The following SOX6 variants were observed in gnomAD, a reference collection of about 807,000 sequenced individuals.
SOX6 encodes SRY-box transcription factor 6, also known as transcription factor SOX-6.
A neutral mutation model predicts 97.8 loss-of-function variants in SOX6; 11 were observed. The observed-to-expected ratio is 0.11, with a 90% confidence interval of 0.07 to 0.19. The LOEUF (loss-of-function observed/expected upper bound fraction) is 0.19. Among genes scored for constraint, SOX6 ranks in the 10% least tolerant of loss-of-function variants. The pLI is 1.00. For synonymous variants in SOX6, 360 were observed against 371.4 expected, an observed-to-expected ratio of 0.97 and a Z score of 0.35; for missense variants, 810 against 1,039.5, an observed-to-expected ratio of 0.78 and a Z score of 3.04.
intron 15 of SOX6, among the ~76,000 whole-genome samples, chr11:15,984,931 C>T (rs1853785365): frequency 1.3e-5 from 2 of 152,130 alleles, no homozygotes; most frequent in African/African-American, 2.4e-5. Flanking sequence ...TGGATCTTCT[C>T]AACAATCATA....
intron 1 of SOX6, chr11:16,402,553 G>A: frequency 8.6e-7 from 1 of 1,167,962 alleles, no homozygotes; most frequent in Non-Finnish European, 1.3e-6. Flanking sequence ...ACCACCCAAA[G>A]CACACTGGAA....
In SOX6 at chr11:16,669,655, C is replaced by T. The variant is rs182258698; in HGVS notation, n.429+45175G>A. Among the ~76,000 whole-genome samples, 673 of 152,316 alleles carry T rather than the reference C, an allele frequency of 4.4e-3. 4 individuals carry two copies. The highest frequency in any genetic ancestry group is 0.016 in the African/African-American group (651 of 41,566). ...CATCTTTGCTTTCTTACAGCCCTTG[C>T]CCTTGCTGTCTCCAGGCTTGGGAGA... On this transcript the variant is annotated intron_variant and non_coding_transcript_variant, in intron 3 of 5. Transcript: ENST00000524520.
At chr11:16,188,369 G>A (rs1851539516) in intron 4 of SOX6, among the ~76,000 whole-genome samples, 1 of 152,022 alleles carries the variant, frequency 6.6e-6, no homozygotes, top group African/African-American at 2.4e-5. Flanking sequence ...AACAAATACT[G>A]TATCAAGGCT....
chr11:15,981,251 T>C (rs1020224548), intron 15 of SOX6, among the ~76,000 whole-genome samples: 21 of 152,022 alleles, frequency 1.4e-4, no homozygotes, highest in African/African-American at 3.9e-4. Flanking sequence ...CAAAACAACA[T>C]TTGTGGATGT....
At chr11:16,072,071 G>T (rs887010798) in intron 9 of SOX6, among the ~76,000 whole-genome samples, 1 of 152,122 alleles carries the variant, frequency 6.6e-6, no homozygotes, top group Admixed American at 6.5e-5. Context: ...CCCAGCAATG[G>T]TTCTTAACCA....
At chr11:16,718,529 T>C (rs750684933) in intron 2 of SOX6, among the ~76,000 whole-genome samples, 14 of 152,140 alleles carry the variant, frequency 9.2e-5, no homozygotes, top group Non-Finnish European at 1.5e-4. Flanking sequence ...AGCCAAAACA[T>C]GTTCATTTAT....
At chr11:16,182,187 A>T (rs1357162524) in intron 6 of SOX6, among the ~76,000 whole-genome samples, 1 of 151,908 alleles carries the variant, frequency 6.6e-6, no homozygotes, top group African/African-American at 2.4e-5. Flanking sequence ...GGAAAACATC[A>T]GTGAAGACAA....
At chr11:16,621,577 T>G (rs1848545782) in intron 3 of SOX6, among the ~76,000 whole-genome samples, 2 of 152,192 alleles carry the variant, frequency 1.3e-5, no homozygotes, top group Non-Finnish European at 1.5e-5. Flanking sequence ...AAAGTATAGT[T>G]TTGTATTCAT....
chr11:16,076,719 G>A (rs923058733), intron 9 of SOX6, among the ~76,000 whole-genome samples: 6 of 150,888 alleles, frequency 4.0e-5, no homozygotes, highest in African/African-American at 1.5e-4. Context: ...AGAGAGAGAA[G>A]GGGGAGGTAC....
chr11:16,318,370 C>A (rs1324834037), intron 3 of SOX6, 76 bp downstream of exon 3: 1 of 1,356,576 alleles, frequency 7.4e-7, no homozygotes, highest in Non-Finnish European at 1.0e-6. Flanking sequence ...CTTGAAATCC[C>A]ACTTTTTTTT....
chr11:16,198,248 GTATTTT>G (rs1851843351), intron 4 of SOX6, among the ~76,000 whole-genome samples: 2 of 45,350 alleles, frequency 4.4e-5, no homozygotes, highest in Admixed American at 4.2e-4. Flanking sequence ...TTTTTTTTTT[GTATTTT>G]TAGTAGAGAT....
At chr11:16,540,120 C>A (rs1440234994) in intron 4 of SOX6, among the ~76,000 whole-genome samples, 1 of 152,154 alleles carries the variant, frequency 6.6e-6, no homozygotes, top group African/African-American at 2.4e-5. Flanking sequence ...AGCTTATCCA[C>A]CACGATCAGG....
intron 4 of SOX6, among the ~76,000 whole-genome samples, chr11:16,220,043 T>C (rs922873788): frequency 2.0e-5 from 3 of 152,216 alleles, no homozygotes; most frequent in Admixed American, 6.5e-5. Flanking sequence ...AAATTAATAA[T>C]AGTAAAATCT....
chr11:16,005,320 C>T (rs1405191376), intron 13 of SOX6, among the ~76,000 whole-genome samples: 7 of 151,686 alleles, frequency 4.6e-5, no homozygotes, highest in Admixed American at 6.6e-5. Flanking sequence ...AAGGCTCAAC[C>T]GAGAAAGACC....
chr11:16,429,053 C>T, intron 1 of SOX6, among the ~76,000 whole-genome samples: 1 of 152,060 alleles, frequency 6.6e-6, no homozygotes, highest in South Asian at 2.1e-4. Flanking sequence ...GACATAAATG[C>T]AGCCAACAAT....
chr11:16,170,022 T>A (rs1850990896), intron 6 of SOX6, among the ~76,000 whole-genome samples: 1 of 152,076 alleles, frequency 6.6e-6, no homozygotes, highest in African/African-American at 2.4e-5. Context: ...CCTTTTAGCA[T>A]CCCCTTTCTT....
At chr11:16,143,168 C>G (rs566087064) in intron 6 of SOX6, among the ~76,000 whole-genome samples, 3 of 152,290 alleles carry the variant, frequency 2.0e-5, no homozygotes, top group Non-Finnish European at 4.4e-5. Context: ...AGAAACTCTA[C>G]AAGCCAGAAT....
At chr11:16,484,433 C>A in intron 4 of SOX6, 1 of 793,606 alleles carries the variant, frequency 1.3e-6, no homozygotes, top group South Asian at 1.3e-5. Context: ...GTACATGCAC[C>A]ACAGCTTACT....
Position 15,973,095 on chromosome 11 carries a change from G to C in SOX6, c.2201C>G (p.Pro734Arg), listed in dbSNP as rs1374561615. The stretch of plus-strand genomic sequence containing the variant: ...CACAACACCTGTTCCTGTGGTGATT[G>C]GAATCTGAGGCTGTTGCCTATATAG... Reference protein sequence around the residue: ...FFTVGQQPQIPITTGTGVVYP... With the variant: ...FFTVGQQPQIRITTGTGVVYP... Residue 734 changes from proline to arginine, a missense_variant, in exon 16 of 16, where the codon CCA (proline) becomes CGA (arginine). Physicochemically the swap from Pro to Arg is moderately radical, Grantham distance 103. Around this residue, in one of 9 missense-constraint regions of SOX6, gnomAD observed 122 missense variants for 153.4 expected, o/e 0.80. Coordinates refer to ENST00000683767, the MANE Select transcript of SOX6 (RefSeq NM_001367873.1). 2 of 1,614,104 alleles carry C rather than the reference G, an allele frequency of 1.2e-6. No homozygotes were observed.
Sources: gnomAD v4.1 joint callset for allele counts (sites outside exome capture counted in the v4.1 genomes callset) on GRCh38, gnomAD v4.1.1 for gene constraint, gnomAD v4.1.1 regional missense constraint, MANE v1.5 for transcripts, NCBI Gene and HGNC (gene_info 2026-07-23, HGNC 2026-07-21) for gene names.